Variants in NUP98 observed in about 807,000 individuals in gnomAD.
NUP98 encodes nucleoporin 98 and 96 precursor.
In NUP98, 26 loss-of-function variants were observed where a neutral mutation model predicts 191.9. The ratio of observed to expected loss-of-function variants is 0.14; its 90% confidence interval spans 0.10 to 0.19. The LOEUF is 0.19. Among genes scored for constraint, NUP98 ranks in the 10% least tolerant of loss-of-function variants. The probability of loss-of-function intolerance (pLI) is 1.00; values close to 1 mark genes in which losing one functional copy is unlikely to be tolerated. For synonymous variants in NUP98, 808 were observed against 778.4 expected, an observed-to-expected ratio of 1.04 and a Z score of -0.63; for missense variants, 1,941 against 2,178.8, an observed-to-expected ratio of 0.89 and a Z score of 2.17.
chr11:3,706,241 C>A (rs867035948), intron 21 of NUP98, among the ~76,000 whole-genome samples: 3 of 152,114 alleles, frequency 2.0e-5, no homozygotes, highest in Non-Finnish European at 2.9e-5. Context: ...AAACCAGAAA[C>A]CCTATCTACT....
chr11:3,760,380 C>T, intron 10 of NUP98, 159 bp downstream of exon 10: 1 of 1,052,728 alleles, frequency 9.5e-7, no homozygotes, highest in Non-Finnish European at 1.4e-6. Flanking sequence ...CATCAAGCTA[C>T]CGCTTACCTG....
At chr11:3,695,419 G>A (rs543386977) in intron 26 of NUP98, 30 bp downstream of exon 26, 2 of 1,490,650 alleles carry the variant, frequency 1.3e-6, no homozygotes, top group Admixed American at 2.3e-5. Context: ...AAAAACCAAT[G>A]TGAGATATTA....
intron 19 of NUP98, among the ~76,000 whole-genome samples, chr11:3,713,114 T>C (rs2079069254): frequency 6.6e-6 from 1 of 152,186 alleles, no homozygotes; most frequent in Non-Finnish European, 1.5e-5. Flanking sequence ...GAGGAAATCA[T>C]TGGATTAAAC....
chr11:3,758,051 C>A (rs1157061586), intron 10 of NUP98, among the ~76,000 whole-genome samples: 1 of 151,138 alleles, frequency 6.6e-6, no homozygotes, highest in African/African-American at 2.4e-5. Context: ...GGCGTGGTGG[C>A]TCACGCCTGT....
chr11:3,730,143 A>G (rs2079787493), intron 14 of NUP98, among the ~76,000 whole-genome samples: 1 of 151,776 alleles, frequency 6.6e-6, no homozygotes, highest in African/African-American at 2.4e-5. Context: ...GCTGAGGAAG[A>G]AGAATCGCTT....
Position 3,768,584 on chromosome 11 carries a change from G to A in NUP98, c.945C>T (p.Thr315=). ...TSTIGQPSTN[T]MGLFGVTQAS... ...AAGTAAGGGTCTGTTTCCTTACCAT[G>A]GTGTTGGTGCTTGGCTGTCCTATGG... Residue 315 remains threonine, a synonymous_variant, in exon 8 of 33, where the codon ACC becomes ACT. Transcript: ENST00000324932. 6.4e-7 allele frequency: 1 copy of A among 1,574,476 alleles called. No individual in the cohort carries two copies. The highest frequency in any genetic ancestry group is 1.9e-5 in the Admixed American group (1 of 52,548).
chr11:3,779,892 C>A (rs977043715), intron 2 of NUP98, among the ~76,000 whole-genome samples: 63 of 152,118 alleles, frequency 4.1e-4, no homozygotes, highest in African/African-American at 1.4e-3. Context: ...CTTTGGGAGG[C>A]CGAGGTGGGC....
chr11:3,685,959 G>A lies in NUP98; in HGVS notation c.4676+14C>T, dbSNP rs368242045. 15 of 1,608,378 alleles carry A rather than the reference G, an allele frequency of 9.3e-6. No individual in the cohort carries two copies. In the East Asian group the frequency reaches 1.8e-4, roughly 19 times the overall value. ...GCTAGATGTACCCAGTGGGTTCAAC[G>A]GCTTCTCACTCACCCTGAGTTGTCA... On this transcript the variant is annotated intron_variant, in intron 29 of 32. Coordinates refer to ENST00000324932, the MANE Select transcript of NUP98 (RefSeq NM_016320.5).
At chr11:3,773,408 TA>T (rs541291026) in intron 6 of NUP98, among the ~76,000 whole-genome samples, 180 of 152,120 alleles carry the variant, frequency 1.2e-3, no homozygotes, top group African/African-American at 4.0e-3. Context: ...AAAAGACCAT[TA>T]GGGGTGCTAG....
rs754034063 is a variant in NUP98 at position 3,705,293 on chromosome 11, T to C, written c.2989A>G (p.Ser997Gly). 1.9e-6 allele frequency: 3 copies of C among 1,614,214 alleles called. No individual in the cohort carries two copies. The highest frequency in any genetic ancestry group is 4.5e-5 in the East Asian group (2 of 44,890). The change falls in exon 22 of 33, where the codon AGT becomes GGT. Residue 997 changes from serine (S) to glycine (G), a missense_variant. Ser to Gly is a moderately conservative substitution (Grantham distance 56, BLOSUM62 0). Coordinates refer to ENST00000324932, the MANE Select transcript of NUP98 (RefSeq NM_016320.5). ...GTATCTGCTTTGGAAGGCAGGCGAC[T>C]GAAGCGTTGATCCAGTGCCATATCT... ...DVDMALDQRF[S>G]RLPSKADTSQ...
chr11:3,776,871 A>C (rs547919556), intron 4 of NUP98, among the ~76,000 whole-genome samples: 24 of 152,296 alleles, frequency 1.6e-4, no homozygotes, highest in African/African-American at 4.3e-4. Context: ...TCCTTTGGTC[A>C]GCTAAGTGTC....
intron 7 of NUP98, 85 bp from the exon 8 acceptor site, chr11:3,768,829 G>T: frequency 1.8e-6 from 2 of 1,096,916 alleles, no homozygotes; most frequent in Non-Finnish European, 2.5e-6. Flanking sequence ...CCATTATCCA[G>T]TTGTTGTAAT....
At chr11:3,712,499 G>A (rs1326874349) in intron 20 of NUP98, 65 bp downstream of exon 20, 1 of 1,601,656 alleles carries the variant, frequency 6.2e-7, no homozygotes, top group Non-Finnish European at 8.5e-7. Flanking sequence ...TGTATTAGCT[G>A]AATGACTTGC....
chr11:3,753,745 T>C (rs1380033660), intron 10 of NUP98, among the ~76,000 whole-genome samples: 1 of 48,046 alleles, frequency 2.1e-5, no homozygotes, highest in Non-Finnish European at 3.7e-5. Flanking sequence ...ACCCCGTCTC[T>C]ATAAAAATAC....
intron 8 of NUP98, among the ~76,000 whole-genome samples, chr11:3,763,859 A>G (rs1310299688): frequency 6.6e-6 from 1 of 152,220 alleles, no homozygotes; most frequent in East Asian, 1.9e-4. Flanking sequence ...ATTCTAAATG[A>G]GAAACTATAC....
chr11:3,703,121 A>C (rs1467446803), intron 22 of NUP98, among the ~76,000 whole-genome samples: 1 of 152,208 alleles, frequency 6.6e-6, no homozygotes, highest in Non-Finnish European at 1.5e-5. Context: ...CTACAACAAT[A>C]ATAAAAGCAA....
rs146153484 is a variant in NUP98 at position 3,724,744 on chromosome 11, G to A, written c.1847+359C>T. Among the ~76,000 whole-genome samples the A allele has an allele frequency of 9.7e-3, 1,315 of 135,412 alleles. 25 individuals carry two copies. Among genetic ancestry groups the A allele is most frequent in the African/African-American group, 0.035 (1,261 of 35,526 alleles). The allele number at this position is 135,412 out of a possible 152,430, so 88.8% of individuals were successfully genotyped here. On this transcript the variant is annotated intron_variant, in intron 15 of 32. Transcript: ENST00000324932. ...GGAGGCGATCTTGGCTCATGCCACT[G>A]CACTCCAGCCTGGGCGACAGAGTGA...
intron 31 of NUP98, among the ~76,000 whole-genome samples, chr11:3,677,717 A>G (rs560075119): frequency 6.6e-6 from 1 of 152,320 alleles, no homozygotes; most frequent in Non-Finnish European, 1.5e-5. Flanking sequence ...TGAGTTCTCC[A>G]TAATAGGTTG....
intron 1 of NUP98, among the ~76,000 whole-genome samples, chr11:3,791,593 C>T (rs1380914324): frequency 2.7e-5 from 4 of 149,434 alleles, no homozygotes; most frequent in African/African-American, 9.9e-5. Flanking sequence ...GCCTATAATC[C>T]CAGCATTTCG....
Sources: gnomAD v4.1 joint callset for allele counts (sites outside exome capture counted in the v4.1 genomes callset) on GRCh38, gnomAD v4.1.1 for gene constraint, MANE v1.5 for transcripts, NCBI Gene and HGNC (gene_info 2026-07-23, HGNC 2026-07-21) for gene names.